Variants in PRPF4 observed in about 807,000 individuals in gnomAD.
The protein encoded by PRPF4 is U4/U6 small nuclear ribonucleoprotein Prp4.
A neutral mutation model predicts 72.2 loss-of-function variants in PRPF4; 14 were observed. That is an observed-to-expected ratio of 0.19 (90% CI 0.13 to 0.30). The LOEUF (loss-of-function observed/expected upper bound fraction) is 0.30. Ranked by LOEUF, PRPF4 falls within the 10% of genes least tolerant of loss-of-function variation. The pLI, the probability that PRPF4 is intolerant of heterozygous loss-of-function variation, is 1.00. For synonymous variants in PRPF4, 225 were observed against 232.2 expected, an observed-to-expected ratio of 0.97 and a Z score of 0.28; for missense variants, 478 against 653.9, an observed-to-expected ratio of 0.73 and a Z score of 2.93.
intron 7 of PRPF4, among the ~76,000 whole-genome samples, chr9:113,285,229 A>G (rs1832400239): frequency 6.6e-6 from 1 of 151,624 alleles, no homozygotes. Context: ...CCAGCCAGCC[A>G]TGGTGGCTCA....
At position 113,275,798 on chromosome 9, in the gene PRPF4, C is replaced by G. The variant is rs773411145; in HGVS notation, c.27+28C>G. 8.1e-6 allele frequency: 13 copies of G among 1,610,066 alleles called. No individual in the cohort carries two copies. In the South Asian group the frequency reaches 1.3e-4, roughly 16 times the overall value. On this transcript the variant is annotated intron_variant, in intron 1 of 13. Transcript: ENST00000374198. Reference sequence around the variant, plus strand: ...ACAGAGCCCGGGATCCCAGCTCACTCTGGCAGGGAGCGCTAAGGGGGAAGG... The same window carrying G: ...ACAGAGCCCGGGATCCCAGCTCACTGTGGCAGGGAGCGCTAAGGGGGAAGG...
intron 7 of PRPF4, among the ~76,000 whole-genome samples, chr9:113,285,875 T>A (rs796899796): frequency 6.6e-6 from 1 of 151,622 alleles, no homozygotes; most frequent in South Asian, 2.1e-4. Flanking sequence ...AAAAAAAAAA[T>A]TTAAATACTT....
intron 8 of PRPF4, 65 bp downstream of exon 8, chr9:113,286,355 TC>T (rs1832449537): frequency 2.8e-6 from 4 of 1,411,752 alleles, no homozygotes; most frequent in Non-Finnish European, 4.0e-6. Flanking sequence ...AGCCTTAAAC[TC>T]TGCTTGACAC....
At chr9:113,290,837 A>G (rs1023045301) in intron 12 of PRPF4, 30 bp downstream of exon 12, 4 of 1,613,154 alleles carry the variant, frequency 2.5e-6, no homozygotes, top group African/African-American at 2.7e-5. Flanking sequence ...TGAGGGGCGA[A>G]AAAGGGTTCT....
intron 4 of PRPF4, 72 bp from the exon 5 acceptor site, chr9:113,283,060 T>C: frequency 1.2e-6 from 2 of 1,600,402 alleles, no homozygotes; most frequent in Non-Finnish European, 1.7e-6. Flanking sequence ...GCAGTTAAAA[T>C]GGAGAAATGA....
At chr9:113,282,863 A>G in intron 4 of PRPF4, 130 bp downstream of exon 4, 1 of 1,001,428 alleles carries the variant, frequency 1.0e-6, no homozygotes, top group Non-Finnish European at 1.5e-6. Context: ...CTACCATTCA[A>G]GAAGAGTTGC....
At chr9:113,291,130 C>G (rs1340989816) in intron 13 of PRPF4, 114 bp downstream of exon 13, 12 of 1,107,232 alleles carry the variant, frequency 1.1e-5, no homozygotes, top group Non-Finnish European at 1.6e-5. Flanking sequence ...GAGAAATTGA[C>G]CTACTGGTAA....
chr9:113,286,254 T>C lies in PRPF4; in HGVS notation c.772T>C (p.Ser258Pro). 1 of 1,614,084 alleles carries C rather than the reference T, an allele frequency of 6.2e-7. No individual in the cohort carries two copies. ...TAGGAGTGGGCTTTGCAAGCTCTGG[T>C]CTGTTCCTGATTGCAACCTCCTTCA... is the stretch of plus-strand genomic sequence containing the variant. ...ACWSGLCKLW[S>P]VPDCNLLHTL... The change falls in exon 8 of 14, where the codon TCT (serine) becomes CCT (proline). Residue 258 changes from serine (S) to proline (P), a missense_variant. Physicochemically the swap from Ser to Pro is moderately conservative, Grantham distance 74. Coordinates refer to ENST00000374198, the MANE Select transcript of PRPF4 (RefSeq NM_001244926.2).
At chr9:113,277,170 T>C (rs1832134435) in intron 2 of PRPF4, among the ~76,000 whole-genome samples, 1 of 152,112 alleles carries the variant, frequency 6.6e-6, no homozygotes, top group African/African-American at 2.4e-5. Context: ...CCCCTTATTA[T>C]CATGCAGAGA....
chr9:113,276,081 A>G (rs1832085500), intron 1 of PRPF4, among the ~76,000 whole-genome samples: 1 of 152,232 alleles, frequency 6.6e-6, no homozygotes, highest in Non-Finnish European at 1.5e-5. Flanking sequence ...CAGATCTCAG[A>G]ATTTTAATGA....
At chr9:113,281,455 A>C (rs1252383298) in intron 3 of PRPF4, among the ~76,000 whole-genome samples, 9 of 152,202 alleles carry the variant, frequency 5.9e-5, no homozygotes. Context: ...GCGTCACTAC[A>C]ACAGTACTGT....
chr9:113,283,515 A>T (rs766212428), intron 6 of PRPF4, 33 bp downstream of exon 6: 1 of 1,608,668 alleles, frequency 6.2e-7, no homozygotes, highest in Admixed American at 1.7e-5. Context: ...CCCACATCTT[A>T]AAGGTTCTTC....
chr9:113,283,059 A>T, intron 4 of PRPF4, 73 bp from the exon 5 acceptor site: 25 of 1,600,292 alleles, frequency 1.6e-5, no homozygotes, highest in Non-Finnish European at 2.0e-5. Context: ...GGCAGTTAAA[A>T]TGGAGAAATG....
intron 3 of PRPF4, among the ~76,000 whole-genome samples, chr9:113,281,730 C>T (rs937957786): frequency 2.0e-5 from 3 of 152,178 alleles, no homozygotes; most frequent in Admixed American, 1.3e-4. Flanking sequence ...TTTTCTCATT[C>T]TTGACCCCCT....
At chr9:113,287,484 CA>C (rs879367982) in intron 9 of PRPF4, among the ~76,000 whole-genome samples, 52 of 135,458 alleles carry the variant, frequency 3.8e-4, no homozygotes, top group Admixed American at 6.6e-4. Context: ...GATTGTTTTC[CA>C]AAAAAAAAAA....
chr9:113,275,672 C>G lies in PRPF4; in HGVS notation c.-72C>G, dbSNP rs377499486. On this transcript the variant is annotated 5_prime_UTR_variant, in exon 1 of 14. Coordinates refer to ENST00000374198, the MANE Select transcript of PRPF4 (RefSeq NM_001244926.2). ...CTGTCAGTGACGCACTTCCCCTCTG[C>G]TGGGCGCGCGGTGGACGGTCTGAAA... 5 of 1,550,344 alleles carry G rather than the reference C, an allele frequency of 3.2e-6. No individual in the cohort carries two copies. The highest frequency in any genetic ancestry group is 4.4e-6 in the Non-Finnish European group (5 of 1,141,846).
chr9:113,277,015 A>G (rs950303932), intron 2 of PRPF4, among the ~76,000 whole-genome samples: 1 of 151,876 alleles, frequency 6.6e-6, no homozygotes, highest in Admixed American at 6.6e-5. Context: ...GGGTTTCACC[A>G]TGTTGGTCTG....
At chr9:113,280,712 C>T (rs1407814285) in intron 3 of PRPF4, among the ~76,000 whole-genome samples, 1 of 152,234 alleles carries the variant, frequency 6.6e-6, no homozygotes, top group Non-Finnish European at 1.5e-5. Context: ...CAGCCTTACT[C>T]ATGTCTCCCT....
intron 5 of PRPF4, 58 bp from the exon 6 acceptor site, chr9:113,283,331 C>CATG (rs1832337257): frequency 1.2e-6 from 2 of 1,613,002 alleles, no homozygotes; most frequent in Admixed American, 3.3e-5. Context: ...AGTAGGGATA[C>CATG]ATGTGGGTCC....
Sources: allele counts gnomAD v4.1 joint callset (sites outside exome capture counted in the v4.1 genomes callset), GRCh38; gene constraint gnomAD v4.1.1; transcripts MANE v1.5; gene names NCBI Gene and HGNC (gene_info 2026-07-23, HGNC 2026-07-21).